DGKG: variants seen among roughly 807,000 people sequenced by gnomAD.
The protein encoded by DGKG is DAG kinase gamma.
DGKG carries 78 observed loss-of-function variants against 105.3 expected under a neutral mutation model. The observed-to-expected ratio is 0.74, with a 90% CI of 0.62 to 0.89. The LOEUF (loss-of-function observed/expected upper bound fraction) is 0.89. DGKG is among the 40% of genes least tolerant of loss of function. The pLI is 0.00. For synonymous variants in DGKG, 346 were observed against 367.1 expected, an observed-to-expected ratio of 0.94 and a Z score of 0.66; for missense variants, 958 against 1,020.1, an observed-to-expected ratio of 0.94 and a Z score of 0.83.
chr3:186,302,683 TAC>T (rs1175787451), intron 3 of DGKG, among the ~76,000 whole-genome samples: 1 of 151,482 alleles, frequency 6.6e-6, no homozygotes, highest in African/African-American at 2.4e-5. Flanking sequence ...CAGGGCACAG[TAC>T]AGTGCTGGGC....
At chr3:186,298,581 G>C (rs761677814) in intron 3 of DGKG, among the ~76,000 whole-genome samples, 1 of 152,220 alleles carries the variant, frequency 6.6e-6, no homozygotes, top group Non-Finnish European at 1.5e-5. Context: ...AAAGTGCAGG[G>C]CTCTGCCTTA....
At chr3:186,337,418 A>G (rs1046443932) in intron 1 of DGKG, among the ~76,000 whole-genome samples, 2 of 152,184 alleles carry the variant, frequency 1.3e-5, no homozygotes, top group Non-Finnish European at 2.9e-5. Flanking sequence ...AAAACAAACA[A>G]AAAAACAAAC....
At chr3:186,280,288 T>C (rs941048378) in intron 8 of DGKG, among the ~76,000 whole-genome samples, 10 of 152,234 alleles carry the variant, frequency 6.6e-5, no homozygotes, top group African/African-American at 2.2e-4. Flanking sequence ...AATAACAAAA[T>C]ACCTGACACA....
At chr3:186,168,150 T>C (rs1316184425) in intron 22 of DGKG, among the ~76,000 whole-genome samples, 1 of 152,152 alleles carries the variant, frequency 6.6e-6, no homozygotes. Context: ...AATTAAGCAA[T>C]AAACCTACTT....
Position 186,210,676 on chromosome 3 carries a change from A to G in DGKG, c.1917+1119T>C. ...GGGAGGGGCAGGGCTTTCCTACACC[A>G]CTCCAGGCCACAGGTGCCTCCTCCA... On this transcript the variant is annotated intron_variant, in intron 21 of 24. Coordinates refer to ENST00000265022, the MANE Select transcript of DGKG (RefSeq NM_001346.3). This position sits in a 1 kb window ranked among gnomAD's most constrained non-coding sequence, Gnocchi z 5.2. 1 of 448,734 alleles carries G rather than the reference A, an allele frequency of 2.2e-6. No homozygotes were observed. Among genetic ancestry groups the G allele is most frequent in the African/African-American group, 2.0e-5 (1 of 49,446 alleles). 27.8% of individuals were successfully genotyped at this position (448,734 alleles called of 1,614,324 possible). A position where few individuals can be genotyped will look rare whatever the true frequency, so the allele number is the denominator to read the frequency against.
At chr3:186,249,347 A>G (rs1276907344) in intron 19 of DGKG, among the ~76,000 whole-genome samples, 3 of 152,216 alleles carry the variant, frequency 2.0e-5, no homozygotes, top group East Asian at 1.9e-4. Context: ...ATAGAAAAAG[A>G]GCACCGGATT....
At chr3:186,170,487 A>G (rs764615430) in intron 22 of DGKG, among the ~76,000 whole-genome samples, 13 of 152,238 alleles carry the variant, frequency 8.5e-5, no homozygotes, top group Non-Finnish European at 1.8e-4. Flanking sequence ...TCTGAGGCGT[A>G]CTTAAGTTTG....
intron 4 of DGKG, 29 bp downstream of exon 4, chr3:186,298,035 C>G (rs1256894086): frequency 6.3e-7 from 1 of 1,586,386 alleles, no homozygotes; most frequent in Non-Finnish European, 8.6e-7. Context: ...TGCGCAAGGT[C>G]TTCCCATCTT....
intron 17 of DGKG, among the ~76,000 whole-genome samples, chr3:186,256,717 T>C (rs777746096): frequency 6.6e-6 from 1 of 152,224 alleles, no homozygotes. Flanking sequence ...GCTTTGACCA[T>C]GCTGGCCTGC....
intron 16 of DGKG, among the ~76,000 whole-genome samples, chr3:186,259,100 CCGACGGGACT>C (rs1322593243): frequency 1.9e-5 from 2 of 103,066 alleles, no homozygotes; most frequent in African/African-American, 1.1e-4. Context: ...ACTCTGCTCT[CCGACGGGACT>C]CTCCGACGGG....
chr3:186,221,782 T>C (rs1160774684), intron 20 of DGKG, among the ~76,000 whole-genome samples: 1 of 152,184 alleles, frequency 6.6e-6, no homozygotes, highest in Non-Finnish European at 1.5e-5. Context: ...TCCTGGGTCC[T>C]GATCAACCAA....
At chr3:186,256,251 C>T (rs1021623239) in intron 17 of DGKG, among the ~76,000 whole-genome samples, 5 of 152,118 alleles carry the variant, frequency 3.3e-5, no homozygotes, top group Non-Finnish European at 2.9e-5. Flanking sequence ...TGGCGGGCGG[C>T]AGGTGTACGG....
chr3:186,357,318 C>T (rs1326792395), intron 1 of DGKG, among the ~76,000 whole-genome samples: 1 of 152,128 alleles, frequency 6.6e-6, no homozygotes, highest in Non-Finnish European at 1.5e-5. Context: ...TTTCAAAAGT[C>T]CCCTTTCTGT....
Position 186,299,841 on chromosome 3 carries a change from T to TCTC in DGKG, c.145-1613_145-1612insGAG, listed in dbSNP as rs1560142111. 2.2e-3 allele frequency among the ~76,000 whole-genome samples: 162 copies of TCTC among 74,652 alleles called. 4 individuals carry two copies. Among genetic ancestry groups the TCTC allele is most frequent in the African/African-American group, 9.0e-3 (154 of 17,082 alleles). The allele number at this position is 74,652 out of a possible 152,430, so 49.0% of individuals were successfully genotyped here. A position where few individuals can be genotyped will look rare whatever the true frequency, so the allele number is the denominator to read the frequency against. ...TCTTTCTTTCTTTCTTTCTTTCTTT[T>TCTC]TTTTTTTTTTTGAGATAGAGCCTTG... On this transcript the variant is annotated intron_variant, in intron 3 of 24. Transcript: ENST00000265022.
intron 22 of DGKG, among the ~76,000 whole-genome samples, chr3:186,174,463 G>T (rs1408489533): frequency 3.9e-5 from 6 of 152,114 alleles, no homozygotes; most frequent in African/African-American, 1.4e-4. Flanking sequence ...GGAGAAGGTT[G>T]GGGGAGGATT....
chr3:186,356,802 A>T (rs1323919612), intron 1 of DGKG, among the ~76,000 whole-genome samples: 1 of 152,106 alleles, frequency 6.6e-6, no homozygotes, highest in Non-Finnish European at 1.5e-5. Context: ...AGGTTGCGAG[A>T]TCTTAAGAGC....
chr3:186,277,623 C>T (rs1230297373), intron 9 of DGKG, among the ~76,000 whole-genome samples: 2 of 152,202 alleles, frequency 1.3e-5, no homozygotes, highest in Admixed American at 6.5e-5. Flanking sequence ...AGCTCATCCC[C>T]CTTTCTCAGC....
chr3:186,250,830 G>C (rs772970658), intron 19 of DGKG, among the ~76,000 whole-genome samples: 5 of 152,138 alleles, frequency 3.3e-5, no homozygotes, highest in Admixed American at 2.6e-4. Flanking sequence ...GATTGCAGGC[G>C]TGAGCTACCG....
At chr3:186,324,726 A>G (rs1048867741) in intron 1 of DGKG, among the ~76,000 whole-genome samples, 1 of 152,248 alleles carries the variant, frequency 6.6e-6, no homozygotes, top group African/African-American at 2.4e-5. Context: ...GGGAATGCCT[A>G]TACACTGCTG....
Sources: gnomAD v4.1 joint callset for allele counts (sites outside exome capture counted in the v4.1 genomes callset) on GRCh38, gnomAD v4.1.1 for gene constraint, Gnocchi (gnomAD v3.1) non-coding constraint, MANE v1.5 for transcripts, NCBI Gene and HGNC (gene_info 2026-07-23, HGNC 2026-07-21) for gene names.